Variants in WNK3 observed in about 807,000 individuals in gnomAD.
WNK3 encodes WNK lysine deficient protein kinase 3.
In WNK3, 18 loss-of-function variants were observed where a neutral mutation model predicts 116.7. The ratio of observed to expected loss-of-function variants is 0.15; its 90% CI spans 0.11 to 0.23. WNK3 has a LOEUF of 0.23. Ranked by LOEUF, WNK3 falls within the 10% of genes least tolerant of loss-of-function variation. The probability of loss-of-function intolerance (pLI) is 1.00; values close to 1 mark genes in which losing one functional copy is unlikely to be tolerated. For synonymous variants in WNK3, 404 were observed against 469.4 expected, an observed-to-expected ratio of 0.86 and a Z score of 1.80; for missense variants, 993 against 1,323.8, an observed-to-expected ratio of 0.75 and a Z score of 3.88.
chrX:54,280,401 T>C (rs935431302), intron 10 of WNK3, among the ~76,000 whole-genome samples: 12 of 111,793 alleles, frequency 1.1e-4, no homozygotes, highest in African/African-American at 3.2e-4. Context: ...AAAAAAACTA[T>C]TGGAGCTGAT....
In WNK3 at chrX:54,346,279, CAAAAAAAAA is replaced by C. The variant is rs150788845; in HGVS notation, c.-120+11398_-120+11406del. On this transcript the variant is annotated intron_variant, in intron 1 of 23. Transcript: ENST00000354646. ...TGGAATTCAAAATTAGCTGATCAGC[CAAAAAAAAA>C]AAAAAAAAAAAAAAAGAACACAGGC... is the stretch of plus-strand genomic sequence containing the variant. 9.9e-5 allele frequency among the ~76,000 whole-genome samples: 3 copies of C among 30,356 alleles called. 1 individual carries two copies. Among genetic ancestry groups the C allele is most frequent in the African/African-American group, 4.6e-4 (3 of 6,547 alleles). 26.4% of individuals were successfully genotyped at this position (30,356 alleles called of 115,157 possible).
In WNK3 at chrX:54,202,881, A is replaced by G. The variant is rs547443499; in HGVS notation, c.4871-688T>C. Among the ~76,000 whole-genome samples, 81 of 110,339 alleles carry G rather than the reference A, an allele frequency of 7.3e-4. No individual in the cohort carries two copies. The South Asian group carries it at 0.031, about 42-fold the overall frequency. ...GTTAAAAACAAAAAAAAAAAGGTCT[A>G]GTGCAAGCCACTTTTATAATGGGAA... On this transcript the variant is annotated intron_variant, in intron 22 of 23. Coordinates refer to ENST00000354646, the Ensembl canonical transcript of WNK3.
chrX:54,327,752 C>T (rs782490556), intron 2 of WNK3, among the ~76,000 whole-genome samples: 10 of 109,670 alleles, frequency 9.1e-5, no homozygotes, highest in Admixed American at 2.0e-4. Context: ...GAGGCCGAGA[C>T]GGGCAGATCA....
chrX:54,273,640 G>C (rs184632729), intron 10 of WNK3, among the ~76,000 whole-genome samples: 1 of 111,972 alleles, frequency 8.9e-6, no homozygotes, highest in East Asian at 2.8e-4. Context: ...CCTTCCAAAA[G>C]AACAGAAACC....
chrX:54,250,056 G>C lies in WNK3; in HGVS notation c.2651C>G (p.Thr884Ser). 9 of 1,204,158 alleles carry C rather than the reference G, an allele frequency of 7.5e-6. No individual in the cohort carries two copies. Among genetic ancestry groups the C allele is most frequent in the Non-Finnish European group, 9.0e-6 (8 of 891,498 alleles). ...ATGCTGAAGAGAAGGAGGAGACTGA[G>C]TCTCACGGTTTCTTATCGTCTGATT... The change falls in exon 16 of 24, where the codon ACT becomes AGT. Residue 884 changes from threonine (T) to serine (S), a missense_variant. Transcript: ENST00000354646.
At chrX:54,334,820 T>C (rs1289657580) in intron 1 of WNK3, among the ~76,000 whole-genome samples, 1 of 112,383 alleles carries the variant, frequency 8.9e-6, no homozygotes, top group African/African-American at 3.2e-5. Context: ...ATTCTACTTA[T>C]AGGAACTTGC....
chrX:54,276,004 G>A (rs1158665615), intron 10 of WNK3, among the ~76,000 whole-genome samples: 1 of 110,776 alleles, frequency 9.0e-6, no homozygotes, highest in Admixed American at 9.7e-5. Context: ...CATCCTAAAC[G>A]TGGATGCACC....
chrX:54,219,700 A>G (rs1352365374), intron 22 of WNK3, among the ~76,000 whole-genome samples: 1 of 99,343 alleles, frequency 1.0e-5, no homozygotes, highest in Non-Finnish European at 2.0e-5. Context: ...AAAAAAAAAA[A>G]GGAAGGAGAT....
At chrX:54,196,415 T>G (rs1307130985) in exon 24 of WNK3, 1 of 109,127 alleles carries the variant, frequency 9.2e-6, no homozygotes, top group Non-Finnish European at 1.9e-5. Context: ...CATTTTTTTT[T>G]TTTTTTGGAA....
chrX:54,281,918 A>G (rs2068520529), intron 10 of WNK3, among the ~76,000 whole-genome samples: 1 of 111,451 alleles, frequency 9.0e-6, no homozygotes, highest in South Asian at 3.8e-4. Flanking sequence ...TGCAATGAAC[A>G]TGAGGTTGCA....
intron 22 of WNK3, among the ~76,000 whole-genome samples, chrX:54,205,109 G>A (rs1248122481): frequency 9.0e-6 from 1 of 110,765 alleles, no homozygotes; most frequent in East Asian, 2.8e-4. Context: ...CAGCTACTCA[G>A]GAGGCTGAGG....
At chrX:54,333,558 A>C in exon 2 of WNK3, 1 of 1,209,901 alleles carries the variant, frequency 8.3e-7, no homozygotes. Flanking sequence ...TTTCTCCTTT[A>C]GTCTAGCTTC....
At chrX:54,334,763 A>G (rs2069212577) in intron 1 of WNK3, among the ~76,000 whole-genome samples, 1 of 112,162 alleles carries the variant, frequency 8.9e-6, no homozygotes, top group Non-Finnish European at 1.9e-5. Flanking sequence ...ACTATCCTAA[A>G]ACAATAGCAA....
intron 2 of WNK3, among the ~76,000 whole-genome samples, chrX:54,317,711 A>T (rs930079039): frequency 9.4e-6 from 1 of 106,236 alleles, no homozygotes; most frequent in East Asian, 3.1e-4. Context: ...AGCTCACTGT[A>T]AGCTCCGCCT....
At chrX:54,269,028 C>A (rs782727793) in intron 10 of WNK3, among the ~76,000 whole-genome samples, 15 of 111,368 alleles carry the variant, frequency 1.3e-4, no homozygotes, top group Non-Finnish European at 2.6e-4. Flanking sequence ...AATATTGGGA[C>A]AAACTGGCAT....
intron 5 of WNK3, among the ~76,000 whole-genome samples, chrX:54,302,524 C>T (rs1028754366): frequency 1.0e-4 from 11 of 109,682 alleles, no homozygotes; most frequent in Non-Finnish European, 1.9e-4. Context: ...TGGTCTCAAA[C>T]TCCTGATCTC....
intron 20 of WNK3, among the ~76,000 whole-genome samples, chrX:54,236,071 A>G (rs782164487): frequency 9.0e-6 from 1 of 111,588 alleles, no homozygotes; most frequent in South Asian, 3.8e-4. Flanking sequence ...ATTTTGAACC[A>G]TGTGGATAGA....
At position 54,238,355 on chromosome X, in the gene WNK3, C is replaced by T. The variant is rs781803806; in HGVS notation, c.4001G>A (p.Arg1334Gln). The stretch of plus-strand genomic sequence containing the variant: ...AAAGACACAAACCTGGAACCGACCC[C>T]GCTGAAATGATCCACTCATCGCTTT... The change falls in exon 19 of 24, where the codon CGG becomes CAG. Residue 1334 changes from arginine (R) to glutamine (Q), a missense_variant. By Grantham distance (43) the Arg-to-Gln change is conservative. Around this residue, in one of 4 missense-constraint regions of WNK3, gnomAD observed 836 missense variants for 976.5 expected, o/e 0.86. Transcript: ENST00000354646. 19 of 1,205,981 alleles carry T rather than the reference C, an allele frequency of 1.6e-5. No homozygotes were observed. The highest frequency in any genetic ancestry group is 1.1e-4 in the South Asian group (6 of 55,351).
chrX:54,251,729 C>T (rs1302011786), intron 13 of WNK3, 42 bp from the exon 14 acceptor site: 1 of 1,151,531 alleles, frequency 8.7e-7, no homozygotes, highest in Non-Finnish European at 1.2e-6. Context: ...AATTCAGTTT[C>T]TTCAAAGTTA....
Sources: gnomAD v4.1 joint callset for allele counts (sites outside exome capture counted in the v4.1 genomes callset) on GRCh38, gnomAD v4.1.1 for gene constraint, gnomAD v4.1.1 regional missense constraint, MANE v1.5 for transcripts, NCBI Gene and HGNC (gene_info 2026-07-23, HGNC 2026-07-21) for gene names.